The following PPP2R2D variants were observed in gnomAD, a reference collection of about 807,000 sequenced individuals.
The protein encoded by PPP2R2D is serine/threonine-protein phosphatase 2A 55 kDa regulatory subunit B delta isoform.
A neutral mutation model predicts 31.1 loss-of-function variants in PPP2R2D; 9 were observed. That is an observed-to-expected ratio of 0.29 (90% CI 0.17 to 0.51). The LOEUF is 0.51. Ranked by LOEUF, PPP2R2D falls within the 20% of genes least tolerant of loss-of-function variation. The pLI, the probability that PPP2R2D is intolerant of heterozygous loss-of-function variation, is 0.98. For missense variants in PPP2R2D, 391 were observed against 465.6 expected (o/e 0.84, Z 1.48); for synonymous variants, 179 against 172.6 (o/e 1.04, Z -0.29).
At chr10:131,967,430 G>C in the PPP2R2D span, 1 of 152,234 alleles carries the variant, frequency 6.6e-6, no homozygotes, top group African/African-American at 2.4e-5. Context: ...GAATTCTGAT[G>C]TCATGCCATC....
chr10:131,901,347 G>A lies in PPP2R2D; in HGVS notation c.100+17G>A. On this transcript the variant is annotated intron_variant, in intron 2 of 8. Transcript: ENST00000455566. ...TGGCCGAAGGTGAGCCCCGCGCCGC[G>A]CCCCGCCCCGGGACCCTCGCGGACA... The A allele has an allele frequency of 2.8e-6, 1 of 355,972 alleles. No homozygotes were observed. Among genetic ancestry groups the A allele is most frequent in the Non-Finnish European group, 5.0e-6 (1 of 198,378 alleles). 22.1% of individuals were successfully genotyped at this position (355,972 alleles called of 1,614,324 possible).
intron 2 of PPP2R2D, among the ~76,000 whole-genome samples, chr10:131,928,470 T>G (rs1554895237): frequency 1.3e-5 from 2 of 152,270 alleles, no homozygotes; most frequent in Non-Finnish European, 2.9e-5. Flanking sequence ...GGTGATGCGT[T>G]TTAAGTACTG....
rs897815986 is a variant in PPP2R2D at position 131,945,227 on chromosome 10, C to T, written c.656-68C>T. The T allele has an allele frequency of 3.3e-6, 5 of 1,526,306 alleles. No individual in the cohort carries two copies. The East Asian group carries it at 6.9e-5, about 21-fold the overall frequency. The allele number at this position is 1,526,306 out of a possible 1,614,324, so 94.5% of individuals were successfully genotyped here. ...GTGGATTATTTGGCGTCCTATTTCGCGTGACTGAATGTAGACTAATTAACA... is the reference window on the plus strand; with the variant it reads ...GTGGATTATTTGGCGTCCTATTTCGTGTGACTGAATGTAGACTAATTAACA... On this transcript the variant is annotated intron_variant, in intron 6 of 8. Coordinates refer to ENST00000455566, the MANE Select transcript of PPP2R2D (RefSeq NM_018461.5). The surrounding 1 kb of genome is among the most constrained non-coding windows in gnomAD (Gnocchi z 4.8).
At chr10:131,937,555 T>C (rs1403491200) in intron 3 of PPP2R2D, among the ~76,000 whole-genome samples, 1 of 152,042 alleles carries the variant, frequency 6.6e-6, no homozygotes, top group Non-Finnish European at 1.5e-5. Flanking sequence ...GCTGAGGGGT[T>C]GCTTGGGTTT....
intron 5 of PPP2R2D, chr10:131,940,965 G>T: frequency 3.1e-6 from 1 of 320,872 alleles, no homozygotes; most frequent in Admixed American, 4.7e-5. Flanking sequence ...AGAAATCTTT[G>T]TGGACATAGC....
At chr10:131,917,772 A>G (rs1241888868) in intron 2 of PPP2R2D, among the ~76,000 whole-genome samples, 4 of 113,890 alleles carry the variant, frequency 3.5e-5, no homozygotes, top group Admixed American at 8.9e-5. Context: ...GGCGGGTGGA[A>G]TGACACAGTG....
intron 2 of PPP2R2D, among the ~76,000 whole-genome samples, chr10:131,909,381 G>C (rs1224879160): frequency 3.3e-5 from 5 of 152,156 alleles, no homozygotes; most frequent in South Asian, 2.1e-4. Context: ...TTGGAGAGTG[G>C]ATGGTGGTGG....
At chr10:131,946,731 CTCCTGCA>C (rs2036549120) in intron 7 of PPP2R2D, among the ~76,000 whole-genome samples, 2 of 152,140 alleles carry the variant, frequency 1.3e-5, no homozygotes, top group African/African-American at 4.8e-5. Flanking sequence ...CAAACACAGG[CTCCTGCA>C]TCAAGAAAAA....
chr10:131,949,285 G>A (rs113801816), intron 8 of PPP2R2D, among the ~76,000 whole-genome samples: 11 of 152,242 alleles, frequency 7.2e-5, no homozygotes, highest in Non-Finnish European at 8.8e-5. Context: ...CTTTCACAGC[G>A]GGCAGTAAAC....
At chr10:131,970,690 T>A in the PPP2R2D span, 2 of 1,614,180 alleles carry the variant, frequency 1.2e-6, no homozygotes, top group Non-Finnish European at 1.7e-6. This position sits in a 1 kb window ranked among gnomAD's most constrained non-coding sequence, Gnocchi z 4.1. Flanking sequence ...AGGAAAACTT[T>A]CAGAAATTCT....
downstream of PPP2R2D, among the ~76,000 whole-genome samples, chr10:131,964,434 G>C (rs548279038): frequency 1.3e-5 from 2 of 151,278 alleles, no homozygotes; most frequent in South Asian, 4.2e-4. Flanking sequence ...AGGCCCTTTT[G>C]TTGAGTGGCA....
At chr10:131,938,024 C>A (rs550745931) in intron 3 of PPP2R2D, among the ~76,000 whole-genome samples, 21 of 151,614 alleles carry the variant, frequency 1.4e-4, no homozygotes, top group African/African-American at 4.8e-4. Flanking sequence ...GCGAGGCACT[C>A]AGCTCCTGCC....
chr10:131,916,798 C>CA (rs1564811023), intron 2 of PPP2R2D, among the ~76,000 whole-genome samples: 1 of 137,234 alleles, frequency 7.3e-6, no homozygotes, highest in Non-Finnish European at 1.6e-5. Context: ...GGTGGAATGA[C>CA]ACAGTGTTTG....
At chr10:131,961,709 C>T (rs377443847), downstream of PPP2R2D, among the ~76,000 whole-genome samples, 97 of 152,330 alleles carry the variant, frequency 6.4e-4, no homozygotes, top group African/African-American at 2.2e-3. Context: ...CCTCACCTTC[C>T]GCCTTGTGTG....
At chr10:131,920,355 A>G (rs61198440) in intron 2 of PPP2R2D, among the ~76,000 whole-genome samples, 2,215 of 123,640 alleles carry the variant, frequency 0.018, 42 homozygotes, top group African/African-American at 0.053. Context: ...GACCTCAGGC[A>G]GGTGGAATGA....
rs1554896975 is a variant in PPP2R2D at position 131,940,013 on chromosome 10, T to C, written c.199-18T>C. Reference sequence around the variant, plus strand: ...ACTGTGCTTTGTTCATTAAAACAGCTCTCATGTTTCCTTGCAGAATAAAAG... The same window carrying C: ...ACTGTGCTTTGTTCATTAAAACAGCCCTCATGTTTCCTTGCAGAATAAAAG... On this transcript the variant is annotated intron_variant, in intron 3 of 8. Transcript: ENST00000455566. The C allele has an allele frequency of 2.9e-6, 2 of 685,484 alleles. No homozygotes were observed. The highest frequency in any genetic ancestry group is 5.4e-6 in the Non-Finnish European group (2 of 371,210). 42.5% of individuals were successfully genotyped at this position (685,484 alleles called of 1,614,324 possible). A position where few individuals can be genotyped will look rare whatever the true frequency, so the allele number is the denominator to read the frequency against.
chr10:131,918,598 G>A (rs1282993245), intron 2 of PPP2R2D, among the ~76,000 whole-genome samples: 4 of 131,784 alleles, frequency 3.0e-5, no homozygotes, highest in Admixed American at 3.0e-4. Flanking sequence ...AACGCGGGTG[G>A]AGTGACAGTG....
At chr10:131,921,003 G>A (rs2035976157) in intron 2 of PPP2R2D, among the ~76,000 whole-genome samples, 1 of 152,204 alleles carries the variant, frequency 6.6e-6, no homozygotes. Context: ...TGAATTTCAG[G>A]AACAAGTTAT....
chr10:131,969,283 G>A, the PPP2R2D span: 1 of 152,376 alleles, frequency 6.6e-6, no homozygotes, highest in Non-Finnish European at 1.5e-5. Flanking sequence ...CAGGACGAAG[G>A]ACAGTAGCTG....
Sources: allele counts gnomAD v4.1 joint callset (sites outside exome capture counted in the v4.1 genomes callset), GRCh38; gene constraint gnomAD v4.1.1; non-coding constraint Gnocchi (gnomAD v3.1); transcripts MANE v1.5; gene names NCBI Gene and HGNC (gene_info 2026-07-23, HGNC 2026-07-21).